SVOP: variants seen among roughly 807,000 people sequenced by gnomAD.
The protein encoded by SVOP is SV2 related protein.
Under a neutral mutation model 69.1 loss-of-function variants are expected in SVOP, and 17 were observed. The ratio of observed to expected loss-of-function variants is 0.25; its 90% CI spans 0.17 to 0.37. The LOEUF (loss-of-function observed/expected upper bound fraction) is 0.37. Ranked by LOEUF, SVOP falls within the 10% of genes least tolerant of loss-of-function variation. The pLI is 1.00. For synonymous variants in SVOP, 238 were observed against 238.6 expected, an observed-to-expected ratio of 1.00 and a Z score of 0.02; for missense variants, 435 against 597.5, an observed-to-expected ratio of 0.73 and a Z score of 2.84.
At chr12:108,921,486 AG>A (rs1373424400) in intron 12 of SVOP, among the ~76,000 whole-genome samples, 2 of 152,176 alleles carry the variant, frequency 1.3e-5, no homozygotes, top group Non-Finnish European at 2.9e-5. Context: ...AACAAACAAA[AG>A]GTGGGTATCA....
intron 5 of SVOP, among the ~76,000 whole-genome samples, chr12:108,968,548 C>T (rs761769388): frequency 1.3e-5 from 2 of 152,160 alleles, no homozygotes; most frequent in Non-Finnish European, 2.9e-5. Context: ...GAAATTTCAG[C>T]CCTAGATGGG....
chr12:108,918,010 C>T (rs1434359632), intron 14 of SVOP, 33 bp downstream of exon 14: 28 of 1,516,986 alleles, frequency 1.8e-5, no homozygotes, highest in East Asian at 2.4e-5. Flanking sequence ...CCCCACTGCC[C>T]GTTCCCCAGC....
chr12:108,973,383 A>G (rs147365780), intron 4 of SVOP, among the ~76,000 whole-genome samples: 101,194 of 151,208 alleles, frequency 0.67, 34,324 homozygotes, highest in East Asian at 0.79. Context: ...TGTATGTATA[A>G]TTTATTTATT....
chr12:108,952,986 C>G (rs2039964917), intron 6 of SVOP, among the ~76,000 whole-genome samples: 1 of 152,018 alleles, frequency 6.6e-6, no homozygotes, highest in Admixed American at 6.6e-5. Flanking sequence ...CTGAGCAGAA[C>G]ATTTAGCAAA....
At chr12:109,005,270 C>T (rs1223881807) in intron 1 of SVOP, among the ~76,000 whole-genome samples, 3 of 152,148 alleles carry the variant, frequency 2.0e-5, no homozygotes, top group Non-Finnish European at 4.4e-5. Flanking sequence ...CCATTCAGTA[C>T]CTGTGTGACC....
intron 4 of SVOP, among the ~76,000 whole-genome samples, chr12:108,975,199 T>C (rs1348802696): frequency 6.6e-6 from 1 of 152,204 alleles, no homozygotes; most frequent in African/African-American, 2.4e-5. Flanking sequence ...AAGGAGAGAT[T>C]CTGGCACAGC....
intron 14 of SVOP, 146 bp downstream of exon 14, chr12:108,917,897 C>T (rs865891957): frequency 8.9e-5 from 49 of 550,242 alleles, no homozygotes; most frequent in Middle Eastern, 9.9e-4. Context: ...CCTCCTGCCT[C>T]GGCCTCCCAA....
intron 1 of SVOP, among the ~76,000 whole-genome samples, chr12:109,011,860 A>G (rs2040343582): frequency 6.6e-6 from 1 of 152,210 alleles, no homozygotes; most frequent in Non-Finnish European, 1.5e-5. Flanking sequence ...ACAGAAAGAC[A>G]AATACTGCAT....
intron 1 of SVOP, among the ~76,000 whole-genome samples, chr12:109,003,302 C>G (rs1265804164): frequency 6.6e-6 from 1 of 152,124 alleles, no homozygotes; most frequent in East Asian, 1.9e-4. Context: ...CATTTTTAAC[C>G]TGGGCATCTA....
At chr12:108,950,469 G>T (rs971073106) in intron 6 of SVOP, among the ~76,000 whole-genome samples, 1 of 152,084 alleles carries the variant, frequency 6.6e-6, no homozygotes, top group African/African-American at 2.4e-5. Flanking sequence ...CTGCAGCCTT[G>T]ACCTCCTGGG....
chr12:108,914,118 G>A (rs149216747), intron 15 of SVOP, among the ~76,000 whole-genome samples: 4 of 152,328 alleles, frequency 2.6e-5, no homozygotes, highest in Non-Finnish European at 4.4e-5. Context: ...GGCTAAACAC[G>A]TCTTTAAATT....
intron 1 of SVOP, among the ~76,000 whole-genome samples, chr12:108,989,536 G>A (rs2040186705): frequency 6.6e-6 from 1 of 152,148 alleles, no homozygotes; most frequent in Admixed American, 6.5e-5. Context: ...CACTGAGAGG[G>A]TCCCGCCCGG....
In SVOP at chr12:108,934,594, C is replaced by G. The variant is rs564812865; in HGVS notation, c.972-323G>C. Among the ~76,000 whole-genome samples the G allele has an allele frequency of 1.1e-4, 16 of 152,296 alleles. 5 individuals carry two copies. The highest frequency in any genetic ancestry group is 3.9e-4 in the African/African-American group (16 of 41,556). ...TGGGCTGCATTCCCAGATGGTTACG[C>G]ATTTTAAGTCACAGGATAAGATAGG... On this transcript the variant is annotated intron_variant, in intron 10 of 15. Transcript: ENST00000610966.
rs553942220 is a variant in SVOP, at chr12:108,942,399, C to T, written c.643-1490G>A. On this transcript the variant is annotated intron_variant, in intron 7 of 15. Coordinates refer to ENST00000610966, the MANE Select transcript of SVOP (RefSeq NM_018711.5). ...GAATTCCTCATCAGAATTGCCACTT[C>T]TCGATGGGGCTGAATATCTTCAATT... 1.8e-4 allele frequency among the ~76,000 whole-genome samples: 27 copies of T among 152,354 alleles called. No homozygotes were observed. The South Asian group carries it at 5.6e-3, about 32-fold the overall frequency.
At chr12:109,017,522 A>AT (rs948291243) in intron 1 of SVOP, among the ~76,000 whole-genome samples, 7 of 152,074 alleles carry the variant, frequency 4.6e-5, no homozygotes, top group Non-Finnish European at 7.4e-5. Flanking sequence ...TGAGGGACAG[A>AT]TTTTTTTAAA....
intron 1 of SVOP, among the ~76,000 whole-genome samples, chr12:108,997,634 C>T (rs1443145925): frequency 3.0e-4 from 45 of 151,564 alleles, no homozygotes; most frequent in Non-Finnish European, 1.8e-4. Context: ...AGACTGCCTC[C>T]TCAAGTGGGT....
At chr12:108,920,786 T>G (rs1243992552) in intron 12 of SVOP, among the ~76,000 whole-genome samples, 1 of 151,922 alleles carries the variant, frequency 6.6e-6, no homozygotes, top group African/African-American at 2.4e-5. Flanking sequence ...TTAGTAGAGA[T>G]GGAGTTTCAT....
chr12:109,008,285 G>A (rs2040320460), intron 1 of SVOP, among the ~76,000 whole-genome samples: 1 of 152,152 alleles, frequency 6.6e-6, no homozygotes, highest in South Asian at 2.1e-4. Context: ...TCTCTACAGA[G>A]TGGGGCCCAA....
At position 108,912,408 on chromosome 12, in the gene SVOP, CTGT is replaced by C. The variant is rs2039689766; in HGVS notation, c.*124_*126del. 6.5e-7 allele frequency: 1 copy of C among 1,527,562 alleles called. No homozygotes were observed. The highest frequency in any genetic ancestry group is 1.3e-5 in the South Asian group (1 of 76,906). The allele number at this position is 1,527,562 out of a possible 1,614,324, so 94.6% of individuals were successfully genotyped here. On this transcript the variant is annotated 3_prime_UTR_variant, in exon 16 of 16. Transcript: ENST00000610966. Reference sequence around the variant, plus strand: ...GCAAACTGAGTCAAGACACAAAACCCTGTTGGTCCAGGTCATACTCTTGGGTGA... The same window carrying C: ...GCAAACTGAGTCAAGACACAAAACCCTGGTCCAGGTCATACTCTTGGGTGA...
Sources: allele counts gnomAD v4.1 joint callset (sites outside exome capture counted in the v4.1 genomes callset), GRCh38; gene constraint gnomAD v4.1.1; transcripts MANE v1.5; gene names NCBI Gene and HGNC (gene_info 2026-07-23, HGNC 2026-07-21).